INHBA: variants seen among roughly 807,000 people sequenced by gnomAD.
The protein encoded by INHBA is inhibin subunit beta A, also known as inhibin beta A chain.
Under a neutral mutation model 29.0 loss-of-function variants are expected in INHBA, and 1 was observed. The ratio of observed to expected loss-of-function variants is 0.03; its 90% CI spans 0.01 to 0.16. INHBA has a LOEUF of 0.16. INHBA is among the 10% of genes least tolerant of loss of function. The pLI, the probability that INHBA is intolerant of heterozygous loss-of-function variation, is 1.00. For missense variants in INHBA, 376 were observed against 545.4 expected (o/e 0.69, Z 3.09); for synonymous variants, 242 against 216.8 (o/e 1.12, Z -1.02).
intron 2 of INHBA, among the ~76,000 whole-genome samples, chr7:41,693,349 C>T (rs1299727384): frequency 6.6e-6 from 1 of 152,174 alleles, no homozygotes; most frequent in East Asian, 1.9e-4. Flanking sequence ...AGTGCTGACC[C>T]GCATGCAGTG....
intron 2 of INHBA, among the ~76,000 whole-genome samples, chr7:41,697,537 T>C (rs1019309428): frequency 6.6e-6 from 1 of 152,126 alleles, no homozygotes; most frequent in Admixed American, 6.5e-5. Context: ...AGCCTCAAAT[T>C]GAAGAATCTT....
chr7:41,698,283 G>T (rs529407134), intron 2 of INHBA, among the ~76,000 whole-genome samples: 1 of 152,016 alleles, frequency 6.6e-6, no homozygotes, highest in Non-Finnish European at 1.5e-5. Flanking sequence ...ACGGTAGTGC[G>T]GTTAAAAGTG....
intron 2 of INHBA, chr7:41,691,678 T>C (rs993065804): frequency 3.9e-5 from 6 of 152,312 alleles, no homozygotes; most frequent in Admixed American, 1.3e-4. Context: ...ATTGTTTGGA[T>C]GACAGTTCCT....
At chr7:41,696,700 G>T (rs1417469708) in intron 2 of INHBA, among the ~76,000 whole-genome samples, 1 of 152,182 alleles carries the variant, frequency 6.6e-6, no homozygotes, top group Non-Finnish European at 1.5e-5. Flanking sequence ...GTGATTCACA[G>T]AAAAGTTCGG....
At chr7:41,699,638 G>A (rs1339795746) in intron 2 of INHBA, among the ~76,000 whole-genome samples, 1 of 151,958 alleles carries the variant, frequency 6.6e-6, no homozygotes, top group Admixed American at 6.6e-5. Flanking sequence ...GCTTTCCTCC[G>A]GCTGCTCAGA....
rs964154804 is a variant in INHBA at position 41,687,922 on chromosome 7, T to A, written c.*1728A>T. 10 of 152,210 alleles carry A rather than the reference T, an allele frequency of 6.6e-5. No homozygotes were observed. The highest frequency in any genetic ancestry group is 2.4e-4 in the African/African-American group (10 of 41,448). The allele number at this position is 152,210 out of a possible 1,614,324, so 9.4% of individuals were successfully genotyped here. A position where few individuals can be genotyped will look rare whatever the true frequency, so the allele number is the denominator to read the frequency against. ...GCCCAGAGTTTTGATTATCATCCTGTTTTCCCCACAGGGGATAACTTGTAG... is the reference window on the plus strand; with the variant it reads ...GCCCAGAGTTTTGATTATCATCCTGATTTCCCCACAGGGGATAACTTGTAG... On this transcript the variant is annotated 3_prime_UTR_variant, in exon 3 of 3. Transcript: ENST00000242208.
intron 2 of INHBA, among the ~76,000 whole-genome samples, chr7:41,694,789 A>C (rs1216498731): frequency 6.6e-6 from 1 of 152,156 alleles, no homozygotes; most frequent in Non-Finnish European, 1.5e-5. Context: ...AGCTTGGTGG[A>C]CACATACCAA....
upstream of INHBA, among the ~76,000 whole-genome samples, chr7:41,704,464 A>T (rs1208677984): frequency 6.6e-6 from 1 of 152,102 alleles, no homozygotes; most frequent in Non-Finnish European, 1.5e-5. Context: ...CACTGGGTGA[A>T]CTCAAACCCT....
chr7:41,685,326 T>G lies in INHBA; in HGVS notation c.*4324A>C, dbSNP rs1013818544. The G allele has an allele frequency of 9.2e-5, 14 of 152,026 alleles. No homozygotes were observed. Among genetic ancestry groups the G allele is most frequent in the Admixed American group, 3.3e-4 (5 of 15,256 alleles). The allele number at this position is 152,026 out of a possible 1,614,324, so 9.4% of individuals were successfully genotyped here. A position where few individuals can be genotyped will look rare whatever the true frequency, so the allele number is the denominator to read the frequency against. On this transcript the variant is annotated 3_prime_UTR_variant, in exon 3 of 3. Transcript: ENST00000242208. The stretch of plus-strand genomic sequence containing the variant: ...TTTAAACATATTGTAAATAAAAAAA[T>G]TACCAGTACTTCTACACAATAAATA...
chr7:41,703,345 T>A (rs1794837334), upstream of INHBA, among the ~76,000 whole-genome samples: 1 of 152,212 alleles, frequency 6.6e-6, no homozygotes, highest in Non-Finnish European at 1.5e-5. Context: ...AACATTGGAA[T>A]CAAATAGATA....
chr7:41,690,172 G>A lies in INHBA; in HGVS notation c.759C>T (p.Ser253=). 6.2e-7 allele frequency: 1 copy of A among 1,613,626 alleles called. No homozygotes were observed. The highest frequency in any genetic ancestry group is 1.3e-5 in the African/African-American group (1 of 74,928). Residue 253 remains serine, a synonymous_variant, in exon 3 of 3, where the codon AGC becomes AGT. Transcript: ENST00000242208. ...ACEQCQESGA[S]LVLLGKKKKK... is the part of the protein sequence containing the mutation. ...TCTTCTTCTTGCCCAGGAGAACCAA[G>A]CTGGCGCCACTCTCCTGGCACTGCT... is the stretch of plus-strand genomic sequence containing the variant.
chr7:41,693,246 G>A (rs1037185867), intron 2 of INHBA, among the ~76,000 whole-genome samples: 1 of 152,060 alleles, frequency 6.6e-6, no homozygotes, highest in African/African-American at 2.4e-5. Flanking sequence ...GGATAGGGAG[G>A]CTTAATAGGT....
At chr7:41,695,777 G>T (rs187897577) in intron 2 of INHBA, among the ~76,000 whole-genome samples, 3 of 152,286 alleles carry the variant, frequency 2.0e-5, no homozygotes, top group Admixed American at 1.3e-4. Flanking sequence ...TTCTTCCAAA[G>T]TTCCTGAGAA....
chr7:41,695,295 G>A (rs1300130734), intron 2 of INHBA, among the ~76,000 whole-genome samples: 1 of 152,172 alleles, frequency 6.6e-6, no homozygotes, highest in Non-Finnish European at 1.5e-5. Flanking sequence ...CATGGGATGG[G>A]GGCTGGGGGA....
At chr7:41,694,319 A>G (rs1158802964) in intron 2 of INHBA, among the ~76,000 whole-genome samples, 1 of 152,168 alleles carries the variant, frequency 6.6e-6, no homozygotes, top group African/African-American at 2.4e-5. Context: ...CTTTATCTCT[A>G]TATTACCTGA....
At chr7:41,691,985 T>C (rs1347115729) in intron 2 of INHBA, 1 of 152,184 alleles carries the variant, frequency 6.6e-6, no homozygotes, top group Non-Finnish European at 1.5e-5. Flanking sequence ...CCCCACATTG[T>C]CAGGGCAGTT....
At chr7:41,696,543 G>C (rs1443022259) in intron 2 of INHBA, among the ~76,000 whole-genome samples, 1 of 152,196 alleles carries the variant, frequency 6.6e-6, no homozygotes, top group African/African-American at 2.4e-5. Flanking sequence ...GGGCGCTACA[G>C]ACAGGGGCTT....
intron 2 of INHBA, among the ~76,000 whole-genome samples, chr7:41,690,893 C>T (rs1230781347): frequency 6.6e-6 from 1 of 152,188 alleles, no homozygotes; most frequent in African/African-American, 2.4e-5. Context: ...GACTGCGTAG[C>T]TGCAACAGAC....
chr7:41,694,323 T>G lies in INHBA; in HGVS notation c.389-3781A>C, dbSNP rs1794592269. Among the ~76,000 whole-genome samples, 3 of 152,184 alleles carry G rather than the reference T, an allele frequency of 2.0e-5. No individual in the cohort carries two copies. In the South Asian group the frequency reaches 6.2e-4, roughly 32 times the overall value. On this transcript the variant is annotated intron_variant, in intron 2 of 2. Coordinates refer to ENST00000242208, the MANE Select transcript of INHBA (RefSeq NM_002192.4). ...TATTATATTCCCTTTATCTCTATAT[T>G]ACCTGAGAGAGATTGCTATACTGCA...
Sources: gnomAD v4.1 joint callset for allele counts (sites outside exome capture counted in the v4.1 genomes callset) on GRCh38, gnomAD v4.1.1 for gene constraint, MANE v1.5 for transcripts, NCBI Gene and HGNC (gene_info 2026-07-23, HGNC 2026-07-21) for gene names.